PRSS23: variants seen among roughly 807,000 people sequenced by gnomAD.
PRSS23 encodes the protein serine protease 23.
In PRSS23, 25 loss-of-function variants were observed where a neutral mutation model predicts 34.7. The ratio of observed to expected loss-of-function variants is 0.72; its 90% CI spans 0.53 to 1.01. The LOEUF (loss-of-function observed/expected upper bound fraction) is 1.01, where lower values mean the gene tolerates loss of function less well. PRSS23 is among the 50% of genes least tolerant of loss of function. The pLI, the probability that PRSS23 is intolerant of heterozygous loss-of-function variation, is 0.00. For synonymous variants in PRSS23, 176 were observed against 186.6 expected (o/e 0.94, Z 0.46); for missense variants, 445 against 475.6 (o/e 0.94, Z 0.60).
intron 1 of PRSS23, among the ~76,000 whole-genome samples, chr11:86,822,446 C>A (rs1948259153): frequency 6.6e-6 from 1 of 151,940 alleles, no homozygotes; most frequent in Non-Finnish European, 1.5e-5. Flanking sequence ...CATAGTGAGA[C>A]CTCGTCTCAA....
chr11:86,880,579 A>G (rs1372629197), intron 2 of PRSS23, among the ~76,000 whole-genome samples: 1 of 152,102 alleles, frequency 6.6e-6, no homozygotes, highest in Non-Finnish European at 1.5e-5. Flanking sequence ...GATTTGCTGC[A>G]CCTATTAACC....
intron 1 of PRSS23, among the ~76,000 whole-genome samples, chr11:86,791,523 G>T (rs1486749700): frequency 6.6e-6 from 1 of 152,162 alleles, no homozygotes; most frequent in Non-Finnish European, 1.5e-5. Flanking sequence ...TGACAAATTG[G>T]TGCCATTTCC....
chr11:86,866,189 A>G (rs953284783), intron 2 of PRSS23, among the ~76,000 whole-genome samples: 2 of 152,200 alleles, frequency 1.3e-5, no homozygotes, highest in African/African-American at 2.4e-5. Flanking sequence ...AAGTTATCCT[A>G]TGACTCAGCC....
At chr11:86,948,969 G>A (rs1439121080) in intron 2 of PRSS23, 1 of 152,688 alleles carries the variant, frequency 6.5e-6, no homozygotes, top group African/African-American at 2.4e-5. Flanking sequence ...GCGTGCTCCA[G>A]GGCCGTGGAC....
At chr11:86,925,916 GGTTT>G (rs1440736347) in intron 2 of PRSS23, among the ~76,000 whole-genome samples, 1 of 152,102 alleles carries the variant, frequency 6.6e-6, no homozygotes, top group Admixed American at 6.6e-5. Context: ...AAAATTTGGG[GGTTT>G]GTTTCGTGTC....
At chr11:86,829,313 T>G (rs575948285) in intron 2 of PRSS23, among the ~76,000 whole-genome samples, 6 of 152,364 alleles carry the variant, frequency 3.9e-5, no homozygotes, top group East Asian at 1.9e-4. Context: ...GCATTCTTCA[T>G]GTAGTTCTCG....
chr11:86,854,647 C>T (rs1590895572), intron 2 of PRSS23, among the ~76,000 whole-genome samples: 1 of 152,192 alleles, frequency 6.6e-6, no homozygotes, highest in East Asian at 1.9e-4. Context: ...AGTTTTAGCT[C>T]TTGGGCGTAA....
At chr11:86,861,349 G>A (rs1434907630) in intron 2 of PRSS23, among the ~76,000 whole-genome samples, 6 of 151,818 alleles carry the variant, frequency 4.0e-5, no homozygotes, top group African/African-American at 7.2e-5. Context: ...CTTGCGCACC[G>A]TTTTTGTACA....
At chr11:86,840,270 T>C (rs1458740281) in intron 2 of PRSS23, among the ~76,000 whole-genome samples, 1 of 151,824 alleles carries the variant, frequency 6.6e-6, no homozygotes, top group African/African-American at 2.4e-5. Flanking sequence ...ACCAAGCAAA[T>C]GGAAAGCAAA....
chr11:86,832,284 A>G (rs1948364242), intron 2 of PRSS23, among the ~76,000 whole-genome samples: 1 of 152,038 alleles, frequency 6.6e-6, no homozygotes, highest in African/African-American at 2.4e-5. Context: ...GACTTCTAAT[A>G]TCACAGAGGG....
chr11:86,847,176 C>G (rs1223941088), intron 2 of PRSS23, among the ~76,000 whole-genome samples: 2 of 152,200 alleles, frequency 1.3e-5, no homozygotes, highest in African/African-American at 4.8e-5. Context: ...TTCTCTCAGC[C>G]CTGGTCTGGA....
chr11:86,917,041 C>T (rs1047634870), intron 2 of PRSS23, among the ~76,000 whole-genome samples: 89 of 152,156 alleles, frequency 5.8e-4, no homozygotes, highest in African/African-American at 2.0e-3. Flanking sequence ...TTTGTGGAGC[C>T]GGGCGCGGTC....
chr11:86,800,508 C>CCGCCAGCTGCCTGCGCTGCT, upstream of PRSS23: 1 of 984,292 alleles, frequency 1.0e-6, no homozygotes, highest in Non-Finnish European at 1.2e-6. Context: ...GGGGGCGGAC[C>CCGCCAGCTGCCTGCGCTGCT]CGCCAGCTGC....
chr11:86,850,848 A>G (rs181167451), intron 2 of PRSS23, among the ~76,000 whole-genome samples: 27 of 152,320 alleles, frequency 1.8e-4, no homozygotes, highest in Admixed American at 1.8e-3. Flanking sequence ...AAAATCTAAG[A>G]CATGTCACAA....
At chr11:86,823,975 C>G (rs1191651616) in intron 2 of PRSS23, among the ~76,000 whole-genome samples, 6 of 114,422 alleles carry the variant, frequency 5.2e-5, no homozygotes, top group Non-Finnish European at 8.5e-5. Context: ...CACTGCAGTC[C>G]GGCCTGGGCG....
chr11:86,924,409 C>T (rs1200278295), intron 2 of PRSS23, among the ~76,000 whole-genome samples: 1 of 152,188 alleles, frequency 6.6e-6, no homozygotes, highest in Admixed American at 6.5e-5. Flanking sequence ...GCATGTTTGA[C>T]TTTTACAACA....
intron 2 of PRSS23, among the ~76,000 whole-genome samples, chr11:86,848,394 A>C (rs1948504115): frequency 6.6e-6 from 1 of 152,242 alleles, no homozygotes; most frequent in South Asian, 2.1e-4. Context: ...GGCAGTCCCC[A>C]CTGTAAATCC....
chr11:86,842,329 CTGAA>C (rs1412903399), intron 2 of PRSS23, among the ~76,000 whole-genome samples: 1 of 152,174 alleles, frequency 6.6e-6, no homozygotes, highest in African/African-American at 2.4e-5. Context: ...CAATATCATA[CTGAA>C]TGGGCAACAA....
At chr11:86,851,146 A>G (rs1049453226) in intron 2 of PRSS23, among the ~76,000 whole-genome samples, 2 of 152,210 alleles carry the variant, frequency 1.3e-5, no homozygotes, top group African/African-American at 2.4e-5. Flanking sequence ...ACTGAACTTC[A>G]TGGTCTTCCA....
Sources: allele counts gnomAD v4.1 joint callset (sites outside exome capture counted in the v4.1 genomes callset), GRCh38; gene constraint gnomAD v4.1.1; transcripts MANE v1.5; gene names NCBI Gene and HGNC (gene_info 2026-07-23, HGNC 2026-07-21).